The following MYO3B variants were observed in gnomAD, a reference collection of about 807,000 sequenced individuals.
MYO3B encodes myosin-IIIb.
A neutral mutation model predicts 174.6 loss-of-function variants in MYO3B; 156 were observed. The observed-to-expected ratio is 0.89, with a 90% CI of 0.78 to 1.02. MYO3B has a LOEUF of 1.02. Among genes scored for constraint, MYO3B ranks in the 50% least tolerant of loss-of-function variants. The pLI, the probability that MYO3B is intolerant of heterozygous loss-of-function variation, is 0.00. For missense variants in MYO3B, 1,632 were observed against 1,639.4 expected, an observed-to-expected ratio of 1.00 and a Z score of 0.08; for synonymous variants, 563 against 569.1, an observed-to-expected ratio of 0.99 and a Z score of 0.15.
rs188755938 is a variant in MYO3B at position 170,613,663 on chromosome 2, G to C, written c.3734-37965G>C. 2.6e-5 allele frequency among the ~76,000 whole-genome samples: 4 copies of C among 152,304 alleles called. No individual in the cohort carries two copies. In the East Asian group the frequency reaches 7.7e-4, roughly 29 times the overall value. ...GTGTTGCCAAAGGAGATTATCATTTGAGTCAGTGGGCTGGGAAAGGCAGAC... is the reference window on the plus strand; with the variant it reads ...GTGTTGCCAAAGGAGATTATCATTTCAGTCAGTGGGCTGGGAAAGGCAGAC... On this transcript the variant is annotated intron_variant, in intron 32 of 34. Coordinates refer to ENST00000408978, the MANE Select transcript of MYO3B (RefSeq NM_138995.5).
intron 6 of MYO3B, among the ~76,000 whole-genome samples, chr2:170,223,346 TAGTA>T (rs572698026): frequency 6.6e-6 from 1 of 152,322 alleles, no homozygotes; most frequent in Non-Finnish European, 1.5e-5. Context: ...CAATTTCTTA[TAGTA>T]AGTAATATGA....
At chr2:170,311,986 T>A (rs1227771207) in intron 7 of MYO3B, among the ~76,000 whole-genome samples, 1 of 152,252 alleles carries the variant, frequency 6.6e-6, no homozygotes, top group Non-Finnish European at 1.5e-5. Context: ...GTAATCACAC[T>A]ACTTTGATTG....
At chr2:170,589,993 G>A (rs115469363) in intron 32 of MYO3B, among the ~76,000 whole-genome samples, 1 of 152,134 alleles carries the variant, frequency 6.6e-6, no homozygotes, top group East Asian at 1.9e-4. Context: ...ATTGTAATAT[G>A]ATGTACAGGT....
At chr2:170,321,032 G>A (rs1446927475) in intron 7 of MYO3B, among the ~76,000 whole-genome samples, 1 of 152,128 alleles carries the variant, frequency 6.6e-6, no homozygotes, top group African/African-American at 2.4e-5. Flanking sequence ...AGGCTGTAGT[G>A]CCCTATGATC....
At chr2:170,509,513 A>G (rs1394710382) in intron 28 of MYO3B, among the ~76,000 whole-genome samples, 1 of 152,264 alleles carries the variant, frequency 6.6e-6, no homozygotes, top group Non-Finnish European at 1.5e-5. Flanking sequence ...TTTATTTGAC[A>G]GGGAAAAAAT....
chr2:170,466,838 A>T, intron 25 of MYO3B, 127 bp downstream of exon 25: 1 of 945,614 alleles, frequency 1.1e-6, no homozygotes, highest in Non-Finnish European at 1.6e-6. Context: ...GCCAGCTACC[A>T]TTTACTTGCT....
chr2:170,632,055 A>G (rs1697035510), intron 32 of MYO3B, among the ~76,000 whole-genome samples: 1 of 141,198 alleles, frequency 7.1e-6, no homozygotes, highest in African/African-American at 2.9e-5. Flanking sequence ...TTAACACCCC[A>G]CTGTCAATAT....
intron 23 of MYO3B, among the ~76,000 whole-genome samples, chr2:170,445,231 A>G (rs1199402099): frequency 6.6e-6 from 1 of 152,206 alleles, no homozygotes; most frequent in East Asian, 1.9e-4. Context: ...TGAACTCACA[A>G]TCAATAGCAC....
chr2:170,556,499 TG>T (rs1171277445), intron 32 of MYO3B, among the ~76,000 whole-genome samples: 1 of 151,930 alleles, frequency 6.6e-6, no homozygotes, highest in Non-Finnish European at 1.5e-5. Flanking sequence ...TGTCAGCCTT[TG>T]GGGTCGTCAG....
At chr2:170,218,220 C>T (rs939865416) in intron 6 of MYO3B, among the ~76,000 whole-genome samples, 5 of 152,152 alleles carry the variant, frequency 3.3e-5, no homozygotes, top group Non-Finnish European at 5.9e-5. Context: ...TGACCTCCCC[C>T]GCCTCCCATC....
chr2:170,426,631 C>G (rs942766420), intron 22 of MYO3B, among the ~76,000 whole-genome samples: 1 of 151,846 alleles, frequency 6.6e-6, no homozygotes, highest in African/African-American at 2.4e-5. Context: ...TTTTTCTTTT[C>G]TTTATTGTCT....
chr2:170,602,264 C>G (rs1694558958), intron 32 of MYO3B: 1 of 796,174 alleles, frequency 1.3e-6, no homozygotes, highest in South Asian at 1.4e-5. Flanking sequence ...CACACAGTCA[C>G]CCAGTGCCCG....
At chr2:170,228,306 C>A (rs1404156596) in intron 6 of MYO3B, among the ~76,000 whole-genome samples, 1 of 152,134 alleles carries the variant, frequency 6.6e-6, no homozygotes, top group Non-Finnish European at 1.5e-5. Context: ...ACTGACTCTC[C>A]CCTCAGGCCC....
chr2:170,498,391 A>G (rs1224559790), intron 25 of MYO3B, among the ~76,000 whole-genome samples: 1 of 152,240 alleles, frequency 6.6e-6, no homozygotes, highest in Non-Finnish European at 1.5e-5. Context: ...AAGTAAATAC[A>G]CATTGCAGAA....
At chr2:170,409,609 T>C (rs1358643659) in intron 22 of MYO3B, among the ~76,000 whole-genome samples, 1 of 152,220 alleles carries the variant, frequency 6.6e-6, no homozygotes, top group Non-Finnish European at 1.5e-5. Flanking sequence ...TGTGTTTTCT[T>C]TTTCTGGAAT....
intron 25 of MYO3B, among the ~76,000 whole-genome samples, chr2:170,497,371 C>G (rs914669657): frequency 6.6e-6 from 1 of 151,980 alleles, no homozygotes; most frequent in African/African-American, 2.4e-5. Context: ...AATCCCAGCA[C>G]TTTGGGAGGT....
intron 32 of MYO3B, among the ~76,000 whole-genome samples, chr2:170,583,647 T>C (rs559340135): frequency 1.3e-5 from 2 of 152,354 alleles, no homozygotes; most frequent in Non-Finnish European, 2.9e-5. Context: ...ATTCTGTGCA[T>C]GGAACTGGGT....
chr2:170,261,913 G>GTA (rs1244781077), intron 7 of MYO3B, among the ~76,000 whole-genome samples: 1 of 152,134 alleles, frequency 6.6e-6, no homozygotes, highest in Admixed American at 6.5e-5. Flanking sequence ...ATGTATGTGT[G>GTA]TATATATATG....
chr2:170,233,142 C>G (rs1274282196), intron 6 of MYO3B, among the ~76,000 whole-genome samples: 1 of 152,190 alleles, frequency 6.6e-6, no homozygotes, highest in African/African-American at 2.4e-5. Context: ...GTACTAGATA[C>G]TTTTTATTGT....
Sources: gnomAD v4.1 joint callset for allele counts (sites outside exome capture counted in the v4.1 genomes callset) on GRCh38, gnomAD v4.1.1 for gene constraint, MANE v1.5 for transcripts, NCBI Gene and HGNC (gene_info 2026-07-23, HGNC 2026-07-21) for gene names.